Variants in ST8SIA4 observed in about 807,000 individuals in gnomAD.
The protein encoded by ST8SIA4 is CMP-N-acetylneuraminate-poly-alpha-2,8-sialyltransferase.
ST8SIA4 carries 15 observed loss-of-function variants against 33.9 expected under a neutral mutation model. That is an observed-to-expected ratio of 0.44 (90% CI 0.30 to 0.68). The LOEUF (loss-of-function observed/expected upper bound fraction) is 0.68, where lower values mean the gene tolerates loss of function less well. Ranked by LOEUF, ST8SIA4 falls within the 30% of genes least tolerant of loss-of-function variation. The pLI is 0.10. For missense variants in ST8SIA4, 321 were observed against 428.0 expected (o/e 0.75, Z 2.21); for synonymous variants, 171 against 151.2 (o/e 1.13, Z -0.96).
intron 1 of ST8SIA4, 104 bp from the exon 2 acceptor site, chr5:100,895,889 T>A: frequency 8.1e-7 from 1 of 1,241,512 alleles, no homozygotes; most frequent in Non-Finnish European, 1.1e-6. Context: ...TTTTAGATAC[T>A]TTTTCCCCTA....
At chr5:100,825,878 A>G (rs1480691240) in intron 4 of ST8SIA4, among the ~76,000 whole-genome samples, 1 of 152,164 alleles carries the variant, frequency 6.6e-6, no homozygotes, top group African/African-American at 2.4e-5. Flanking sequence ...CCTAACACCA[A>G]ATTGTCAGTA....
intron 3 of ST8SIA4, among the ~76,000 whole-genome samples, chr5:100,866,089 A>ATTTT (rs1752055001): frequency 6.6e-6 from 1 of 152,136 alleles, no homozygotes; most frequent in African/African-American, 2.4e-5. Context: ...ATTAAGAACC[A>ATTTT]AACCTTAGAT....
chr5:100,891,468 A>G (rs1752663585), intron 2 of ST8SIA4, among the ~76,000 whole-genome samples: 1 of 152,100 alleles, frequency 6.6e-6, no homozygotes, highest in African/African-American at 2.4e-5. Flanking sequence ...TGGAAGAATA[A>G]AACGTTTAAC....
At chr5:100,817,062 C>A (rs1169655387) in intron 4 of ST8SIA4, among the ~76,000 whole-genome samples, 2 of 148,370 alleles carry the variant, frequency 1.3e-5, no homozygotes, top group East Asian at 3.9e-4. Context: ...CCTGCTTAAG[C>A]CTCCCAAGTA....
At chr5:100,821,003 C>T (rs923161495) in intron 4 of ST8SIA4, among the ~76,000 whole-genome samples, 6 of 151,862 alleles carry the variant, frequency 4.0e-5, no homozygotes, top group East Asian at 1.9e-4. Flanking sequence ...AACTGAAACT[C>T]GTAATCTAAA....
At position 100,830,112 on chromosome 5, in the gene ST8SIA4, T is replaced by C. The variant is rs560408912; in HGVS notation, c.798-17983A>G. 9.2e-5 allele frequency among the ~76,000 whole-genome samples: 14 copies of C among 152,362 alleles called. No individual in the cohort carries two copies. The South Asian group carries it at 1.0e-3, about 11-fold the overall frequency. ...TGCCACACTGAAGATAAAATACTTA[T>C]GTGGCTCGCTCTAAGACTTTAGCAA... On this transcript the variant is annotated intron_variant, in intron 4 of 4. Transcript: ENST00000231461.
intron 4 of ST8SIA4, among the ~76,000 whole-genome samples, chr5:100,854,496 C>G (rs1036541622): frequency 1.3e-5 from 2 of 151,836 alleles, no homozygotes; most frequent in African/African-American, 2.4e-5. Flanking sequence ...GGCAGGAGAA[C>G]GGCGTGAACC....
At chr5:100,881,644 CTT>C (rs1279278729) in intron 3 of ST8SIA4, among the ~76,000 whole-genome samples, 3 of 152,174 alleles carry the variant, frequency 2.0e-5, no homozygotes, top group Non-Finnish European at 4.4e-5. Flanking sequence ...GAGGTTCTCA[CTT>C]GATATAGTTT....
At chr5:100,827,181 A>G (rs1751165915) in intron 4 of ST8SIA4, among the ~76,000 whole-genome samples, 1 of 152,216 alleles carries the variant, frequency 6.6e-6, no homozygotes, top group Non-Finnish European at 1.5e-5. Context: ...CTAGCACTAT[A>G]CATTTGTCAG....
chr5:100,820,854 G>C (rs1751018794), intron 4 of ST8SIA4, among the ~76,000 whole-genome samples: 1 of 152,130 alleles, frequency 6.6e-6, no homozygotes, highest in African/African-American at 2.4e-5. Flanking sequence ...AGTTGTCAAA[G>C]AGAATGCTTA....
At chr5:100,860,014 A>G (rs1561397441) in intron 3 of ST8SIA4, among the ~76,000 whole-genome samples, 1 of 152,104 alleles carries the variant, frequency 6.6e-6, no homozygotes. Flanking sequence ...ACATTTTTTA[A>G]TTCTACAACG....
chr5:100,865,224 G>A (rs967585090), intron 3 of ST8SIA4, among the ~76,000 whole-genome samples: 4 of 152,172 alleles, frequency 2.6e-5, no homozygotes, highest in African/African-American at 7.2e-5. Flanking sequence ...TAGGCAGAGA[G>A]AAATGAAAAT....
chr5:100,865,776 A>G (rs1290672584), intron 3 of ST8SIA4, among the ~76,000 whole-genome samples: 1 of 151,990 alleles, frequency 6.6e-6, no homozygotes, highest in Non-Finnish European at 1.5e-5. Flanking sequence ...TGCCTCATAT[A>G]TACTCCTTTT....
At chr5:100,880,664 G>A (rs891823356) in intron 3 of ST8SIA4, among the ~76,000 whole-genome samples, 2 of 152,236 alleles carry the variant, frequency 1.3e-5, no homozygotes, top group Non-Finnish European at 2.9e-5. Context: ...AGGAACTATT[G>A]TAGAGTTCTA....
chr5:100,825,344 T>A (rs547021032), intron 4 of ST8SIA4, among the ~76,000 whole-genome samples: 1 of 152,198 alleles, frequency 6.6e-6, no homozygotes, highest in East Asian at 1.9e-4. Flanking sequence ...TTCTACTGAA[T>A]TATATTTTAT....
chr5:100,877,047 C>A (rs1561403075), intron 3 of ST8SIA4, among the ~76,000 whole-genome samples: 1 of 151,914 alleles, frequency 6.6e-6, no homozygotes, highest in Non-Finnish European at 1.5e-5. Context: ...TAAATCTTAT[C>A]CTTAAGGAGT....
At chr5:100,850,784 T>C (rs1338303919) in intron 4 of ST8SIA4, among the ~76,000 whole-genome samples, 2 of 96,980 alleles carry the variant, frequency 2.1e-5, no homozygotes, top group Admixed American at 1.9e-4. Flanking sequence ...TGTAGATGTG[T>C]ATATATATAT....
chr5:100,886,244 G>T, intron 3 of ST8SIA4, 99 bp downstream of exon 3: 1 of 1,506,322 alleles, frequency 6.6e-7, no homozygotes. Context: ...ATATTTGTTT[G>T]AGGTTTTAGT....
At chr5:100,864,494 G>C (rs1260129499) in intron 3 of ST8SIA4, among the ~76,000 whole-genome samples, 2 of 144,294 alleles carry the variant, frequency 1.4e-5, no homozygotes, top group African/African-American at 2.6e-5. Flanking sequence ...AGAATGGCGT[G>C]AACCTGGGAG....
Sources: gnomAD v4.1 joint callset for allele counts (sites outside exome capture counted in the v4.1 genomes callset) on GRCh38, gnomAD v4.1.1 for gene constraint, MANE v1.5 for transcripts, NCBI Gene and HGNC (gene_info 2026-07-23, HGNC 2026-07-21) for gene names.